The following PFDN4 variants were observed in gnomAD, a reference collection of about 807,000 sequenced individuals.
PFDN4 encodes prefoldin subunit 4.
In PFDN4, 6 loss-of-function variants were observed where a neutral mutation model predicts 17.6. That is an observed-to-expected ratio of 0.34 (90% CI 0.19 to 0.67). The LOEUF (loss-of-function observed/expected upper bound fraction) is 0.67. PFDN4 is among the 30% of genes least tolerant of loss of function. PFDN4 has a pLI of 0.68. For missense variants in PFDN4, 119 were observed against 158.4 expected (o/e 0.75, Z 1.33); for synonymous variants, 48 against 51.1 (o/e 0.94, Z 0.26).
intron 1 of PFDN4, chr20:54,208,385 A>T (rs2092751000): frequency 2.4e-6 from 1 of 423,706 alleles, no homozygotes; most frequent in Non-Finnish European, 4.1e-6. Flanking sequence ...GCCTCCCGCG[A>T]TGCCGAGGGT....
In PFDN4 at chr20:54,211,700, CTT is replaced by C. The variant is rs2092756061; in HGVS notation, c.25-2649_25-2648del. Among the ~76,000 whole-genome samples the C allele has an allele frequency of 1.3e-5, 2 of 152,186 alleles. 1 individual carries two copies. The highest frequency in any genetic ancestry group is 1.3e-4 in the Admixed American group (2 of 15,278). ...TGAGTTCTTCCTAGAGTTCTTCTGACTTTGAGAGTAGCTACAGCTGGTTTCCC... is the reference window on the plus strand; with the variant it reads ...TGAGTTCTTCCTAGAGTTCTTCTGACTGAGAGTAGCTACAGCTGGTTTCCC... On this transcript the variant is annotated intron_variant, in intron 1 of 3. Coordinates refer to ENST00000371419, the MANE Select transcript of PFDN4 (RefSeq NM_002623.4).
intron 1 of PFDN4, among the ~76,000 whole-genome samples, chr20:54,211,131 A>T (rs944445890): frequency 2.0e-5 from 3 of 152,220 alleles, no homozygotes; most frequent in Non-Finnish European, 4.4e-5. Context: ...ACAAAGCAAA[A>T]GTTTACATCA....
chr20:54,210,362 T>C (rs988820698), intron 1 of PFDN4, among the ~76,000 whole-genome samples: 1 of 152,206 alleles, frequency 6.6e-6, no homozygotes, highest in Non-Finnish European at 1.5e-5. Flanking sequence ...CATGTACACT[T>C]TTCCCCTTTG....
At chr20:54,218,176 C>CT (rs11365330) in intron 3 of PFDN4, among the ~76,000 whole-genome samples, 2,255 of 129,236 alleles carry the variant, frequency 0.017, 12 homozygotes, top group Non-Finnish European at 0.021. Context: ...AACTTAATGG[C>CT]TTTTTTTTTT....
Position 54,208,098 on chromosome 20 carries a change from A to C in PFDN4, c.-3A>C. The C allele has an allele frequency of 6.4e-7, 1 of 1,554,344 alleles. No individual in the cohort carries two copies. The highest frequency in any genetic ancestry group is 1.2e-5 in the South Asian group (1 of 84,472). On this transcript the variant is annotated 5_prime_UTR_variant, in exon 1 of 4. Transcript: ENST00000371419. ...CCGCCGCCTGCGGTAGTCCAGTCCCAAGATGGCGGCCACCATGAAGAAGGC... is the reference window on the plus strand; with the variant it reads ...CCGCCGCCTGCGGTAGTCCAGTCCCCAGATGGCGGCCACCATGAAGAAGGC...
intron 1 of PFDN4, among the ~76,000 whole-genome samples, chr20:54,209,671 G>A (rs1362305675): frequency 6.6e-6 from 1 of 152,234 alleles, no homozygotes; most frequent in Non-Finnish European, 1.5e-5. Flanking sequence ...TATGGAAACT[G>A]AAGTGCAGAG....
In PFDN4 at chr20:54,219,164, CT is replaced by C. The variant is rs776975422; in HGVS notation, c.*21del. The stretch of plus-strand genomic sequence containing the variant: ...GATGAAAGTTAAACATTTTATAATA[CT>C]TTTTTTATTTGTTTAATAAACTTGA... On this transcript the variant is annotated 3_prime_UTR_variant, in exon 4 of 4. Transcript: ENST00000371419. 32 of 1,404,302 alleles carry C rather than the reference CT, an allele frequency of 2.3e-5. No homozygotes were observed. The highest frequency in any genetic ancestry group is 7.8e-5 in the East Asian group (3 of 38,292). The allele number at this position is 1,404,302 out of a possible 1,614,324, so 87.0% of individuals were successfully genotyped here. A position where few individuals can be genotyped will look rare whatever the true frequency, so the allele number is the denominator to read the frequency against.
chr20:54,215,565 T>C, intron 3 of PFDN4, 125 bp downstream of exon 3: 4 of 588,208 alleles, frequency 6.8e-6, no homozygotes, highest in Non-Finnish European at 1.1e-5. Context: ...GTCCCAGGCA[T>C]GCTCCGAATG....
In PFDN4 at chr20:54,215,284, C is replaced by G. The variant is rs781646962; in HGVS notation, c.133-16C>G. On this transcript the variant is annotated splice_polypyrimidine_tract_variant and intron_variant, in intron 2 of 3. Coordinates refer to ENST00000371419, the MANE Select transcript of PFDN4 (RefSeq NM_002623.4). ...AGAACTTTGAGTACATTTTCTTTGC[C>G]ATTTTGCATTTATAGAAACAACTCC... 1.9e-6 allele frequency: 3 copies of G among 1,541,774 alleles called. No individual in the cohort carries two copies. The highest frequency in any genetic ancestry group is 2.7e-5 in the African/African-American group (2 of 72,772).
In PFDN4 at chr20:54,215,292, A is replaced by G. The variant is rs371615109; in HGVS notation, c.133-8A>G. ...GAGTACATTTTCTTTGCCATTTTGC[A>G]TTTATAGAAACAACTCCAAAACCTA... On this transcript the variant is annotated splice_polypyrimidine_tract_variant and splice_region_variant and intron_variant, in intron 2 of 3. Coordinates refer to ENST00000371419, the MANE Select transcript of PFDN4 (RefSeq NM_002623.4). The G allele has an allele frequency of 6.4e-7, 1 of 1,556,926 alleles. No individual in the cohort carries two copies. Among genetic ancestry groups the G allele is most frequent in the African/African-American group, 1.4e-5 (1 of 73,370 alleles).
intron 3 of PFDN4, among the ~76,000 whole-genome samples, chr20:54,218,083 G>A (rs1038264516): frequency 6.6e-6 from 1 of 151,360 alleles, no homozygotes; most frequent in African/African-American, 2.4e-5. Flanking sequence ...GGTTTCTAAT[G>A]TTAGTGGGTA....
chr20:54,216,169 A>C (rs2092762192), intron 3 of PFDN4, among the ~76,000 whole-genome samples: 1 of 149,446 alleles, frequency 6.7e-6, no homozygotes, highest in Admixed American at 6.6e-5. Context: ...AAATATAATT[A>C]CTGGGTCAGT....
chr20:54,211,823 A>T (rs560895255), intron 1 of PFDN4, among the ~76,000 whole-genome samples: 8 of 152,278 alleles, frequency 5.3e-5, no homozygotes, highest in Admixed American at 4.6e-4. Context: ...CATACTATAC[A>T]TGCCATTTTG....
At chr20:54,211,420 A>T (rs2092755693) in intron 1 of PFDN4, among the ~76,000 whole-genome samples, 1 of 152,212 alleles carries the variant, frequency 6.6e-6, no homozygotes, top group Non-Finnish European at 1.5e-5. Context: ...TGTTCTTTGT[A>T]ATGATTTTTG....
chr20:54,219,497 C>T lies in PFDN4; in HGVS notation c.*347C>T, dbSNP rs2092766949. Reference sequence around the variant, plus strand: ...AACAGTTGTGTCATGTTGTTTCTGTCTGATTTTAATTGCTGTCTAATGACG... The same window carrying T: ...AACAGTTGTGTCATGTTGTTTCTGTTTGATTTTAATTGCTGTCTAATGACG... On this transcript the variant is annotated 3_prime_UTR_variant, in exon 4 of 4. Transcript: ENST00000371419. 7.8e-6 allele frequency: 3 copies of T among 385,906 alleles called. No homozygotes were observed. Among genetic ancestry groups the T allele is most frequent in the South Asian group, 1.3e-4 (1 of 7,802 alleles). The allele number at this position is 385,906 out of a possible 1,614,324, so 23.9% of individuals were successfully genotyped here. A position where few individuals can be genotyped will look rare whatever the true frequency, so the allele number is the denominator to read the frequency against.
intron 1 of PFDN4, among the ~76,000 whole-genome samples, chr20:54,211,044 C>T (rs2092755112): frequency 6.6e-6 from 1 of 152,154 alleles, no homozygotes; most frequent in East Asian, 1.9e-4. Context: ...AAGATCACAC[C>T]ACTGCACTCC....
intron 2 of PFDN4, among the ~76,000 whole-genome samples, chr20:54,214,805 C>G (rs1222705415): frequency 6.6e-6 from 1 of 152,164 alleles, no homozygotes; most frequent in East Asian, 1.9e-4. Flanking sequence ...CCAGTGCCAC[C>G]TACCCCAGTA....
At position 54,219,146 on chromosome 20, in the gene PFDN4, G is replaced by A. The variant is rs115409787; in HGVS notation, c.401G>A (p.Ser134Asn). The A allele has an allele frequency of 4.6e-4, 690 of 1,493,850 alleles. No homozygotes were observed. In the African/African-American group the frequency reaches 8.1e-3, roughly 18 times the overall value. The allele number at this position is 1,493,850 out of a possible 1,614,324, so 92.5% of individuals were successfully genotyped here. ...AACATAAACCTTGAAGCTGATGAAA[G>A]TTAAACATTTTATAATACTTTTTTT... Reference protein sequence around the residue: ...GSNINLEADES With the variant: ...GSNINLEADEN The change falls in exon 4 of 4, where the codon AGT (serine) becomes AAT (asparagine). Residue 134 changes from serine (S) to asparagine (N), a missense_variant. Transcript: ENST00000371419.
chr20:54,216,594 A>G (rs914527132), intron 3 of PFDN4, among the ~76,000 whole-genome samples: 2 of 152,116 alleles, frequency 1.3e-5, no homozygotes, highest in Admixed American at 6.5e-5. Flanking sequence ...TTTTGTGGCT[A>G]TTGTGAATCC....
Sources: gnomAD v4.1 joint callset for allele counts (sites outside exome capture counted in the v4.1 genomes callset) on GRCh38, gnomAD v4.1.1 for gene constraint, MANE v1.5 for transcripts, NCBI Gene and HGNC (gene_info 2026-07-23, HGNC 2026-07-21) for gene names.